Variants in SOX6 observed in about 807,000 individuals in gnomAD.
SOX6 encodes the protein transcription factor SOX-6.
SOX6 carries 11 observed loss-of-function variants against 97.8 expected under a neutral mutation model. That is an observed-to-expected ratio of 0.11 (90% CI 0.07 to 0.19). The LOEUF (loss-of-function observed/expected upper bound fraction) is 0.19, where lower values mean the gene tolerates loss of function less well. Among genes scored for constraint, SOX6 ranks in the 10% least tolerant of loss-of-function variants. The probability of loss-of-function intolerance (pLI) is 1.00; values close to 1 mark genes in which losing one functional copy is unlikely to be tolerated. For missense variants in SOX6, 810 were observed against 1,039.5 expected, an observed-to-expected ratio of 0.78 and a Z score of 3.04; for synonymous variants, 360 against 371.4, an observed-to-expected ratio of 0.97 and a Z score of 0.35.
intron 3 of SOX6, among the ~76,000 whole-genome samples, chr11:16,270,303 T>A (rs140342124): frequency 4.0e-5 from 6 of 151,394 alleles, no homozygotes; most frequent in African/African-American, 1.2e-4. Context: ...ACTTCACATC[T>A]GCTAGAATGA....
intron 4 of SOX6, among the ~76,000 whole-genome samples, chr11:16,543,804 A>G (rs941551733): frequency 1.3e-5 from 2 of 152,248 alleles, no homozygotes; most frequent in Non-Finnish European, 2.9e-5. Flanking sequence ...AAATGTGCAC[A>G]TGCTGTGGAA....
intron 1 of SOX6, chr11:16,434,220 C>T (rs937089492): frequency 6.6e-6 from 1 of 152,100 alleles, no homozygotes; most frequent in African/African-American, 2.4e-5. Context: ...TCATCTTCCT[C>T]ATACCCCTCA....
intron 1 of SOX6, among the ~76,000 whole-genome samples, chr11:16,399,614 C>A (rs1451772118): frequency 6.6e-6 from 1 of 151,386 alleles, no homozygotes; most frequent in Non-Finnish European, 1.5e-5. Context: ...AAGACTAAGG[C>A]AAAATCATCC....
intron 6 of SOX6, among the ~76,000 whole-genome samples, chr11:16,146,842 G>A (rs928481162): frequency 6.6e-6 from 1 of 152,146 alleles, no homozygotes; most frequent in Non-Finnish European, 1.5e-5. Flanking sequence ...TCATTAAAAA[G>A]TCAGGAAACA....
intron 6 of SOX6, among the ~76,000 whole-genome samples, chr11:16,130,063 T>G (rs1849702690): frequency 6.6e-6 from 1 of 152,040 alleles, no homozygotes; most frequent in Non-Finnish European, 1.5e-5. Flanking sequence ...TCTTAAGAAT[T>G]TTTTTAAAGT....
At chr11:16,152,029 C>T (rs1436466548) in intron 6 of SOX6, among the ~76,000 whole-genome samples, 2 of 152,086 alleles carry the variant, frequency 1.3e-5, no homozygotes, top group Admixed American at 1.3e-4. Flanking sequence ...TGTCTAAAGT[C>T]AATTTTTGTC....
At chr11:16,268,757 G>A (rs554603121) in intron 3 of SOX6, among the ~76,000 whole-genome samples, 8 of 150,900 alleles carry the variant, frequency 5.3e-5, no homozygotes, top group Admixed American at 5.3e-4. Context: ...TTTTCTCTTT[G>A]TTTTGAGATT....
At chr11:16,481,705 A>T (rs564994158) in intron 4 of SOX6, among the ~76,000 whole-genome samples, 4 of 152,172 alleles carry the variant, frequency 2.6e-5, no homozygotes, top group Non-Finnish European at 5.9e-5. Flanking sequence ...TGCATGTTCA[A>T]TGATGGTGGT....
intron 4 of SOX6, among the ~76,000 whole-genome samples, chr11:16,550,464 T>TA (rs1847670426): frequency 6.6e-6 from 1 of 151,696 alleles, no homozygotes; most frequent in African/African-American, 2.4e-5. Context: ...TAAAGTATAA[T>TA]AAAAAATAAA....
At chr11:16,696,743 G>A (rs1016846225) in intron 3 of SOX6, among the ~76,000 whole-genome samples, 2 of 152,160 alleles carry the variant, frequency 1.3e-5, no homozygotes, top group African/African-American at 4.8e-5. Flanking sequence ...TGATGTTGAT[G>A]GCTGCTGACT....
intron 4 of SOX6, among the ~76,000 whole-genome samples, chr11:16,536,377 G>C (rs147533465): frequency 6.6e-6 from 1 of 152,076 alleles, no homozygotes; most frequent in Non-Finnish European, 1.5e-5. Flanking sequence ...TGCAGCTCCC[G>C]GCGAGATTGA....
intron 4 of SOX6, among the ~76,000 whole-genome samples, chr11:16,200,744 T>C (rs557664371): frequency 3.7e-4 from 56 of 152,322 alleles, no homozygotes; most frequent in African/African-American, 1.3e-3. Flanking sequence ...ACATCATTTT[T>C]ATATTAGTTT....
chr11:16,514,215 CA>C (rs35019872), intron 4 of SOX6, among the ~76,000 whole-genome samples: 182 of 102,640 alleles, frequency 1.8e-3, no homozygotes, highest in East Asian at 2.5e-3. Context: ...GTCCCTGGCT[CA>C]AAAAAAAAAA....
chr11:16,428,499 T>C (rs937491517), intron 1 of SOX6, among the ~76,000 whole-genome samples: 1 of 152,210 alleles, frequency 6.6e-6, no homozygotes, highest in South Asian at 2.1e-4. Flanking sequence ...AATTAATTTT[T>C]ATATAAGGTG....
rs187074058 is a variant in SOX6 at position 16,609,102 on chromosome 11, G to A, written n.609+2979C>T. Among the ~76,000 whole-genome samples, 4 of 152,280 alleles carry A rather than the reference G, an allele frequency of 2.6e-5. No homozygotes were observed. In the East Asian group the frequency reaches 5.8e-4, roughly 22 times the overall value. On this transcript the variant is annotated intron_variant and non_coding_transcript_variant, in intron 4 of 5. Transcript: ENST00000524520. ...TAGACACCTGAAACTTAATCTCAGT[G>A]CAAAAAAAGCTGGAGGACCAGGACA...
intron 1 of SOX6, among the ~76,000 whole-genome samples, chr11:16,352,094 G>A (rs1365532371): frequency 6.6e-6 from 1 of 151,904 alleles, no homozygotes; most frequent in African/African-American, 2.4e-5. Context: ...CTGGTTTCTG[G>A]GGGTGTCTCC....
chr11:16,206,665 C>T (rs1243087101), intron 4 of SOX6, among the ~76,000 whole-genome samples: 1 of 152,124 alleles, frequency 6.6e-6, no homozygotes, highest in Non-Finnish European at 1.5e-5. Context: ...ACATAGTGAG[C>T]ACTCAATAAA....
rs147754909 is a variant in SOX6 at position 16,443,281 on chromosome 11, A to G, written c.-5+33034T>C. On this transcript the variant is annotated intron_variant, in intron 1 of 15. Coordinates refer to the SOX6 transcript ENST00000396356. The stretch of plus-strand genomic sequence containing the variant: ...TGATTTCTCCTTTACTTGTCTCTAC[A>G]TTAGAGTTTTAAGTTAACTTAAAAC... 9.2e-4 allele frequency among the ~76,000 whole-genome samples: 140 copies of G among 152,342 alleles called. 3 individuals are homozygous for G. The East Asian group carries it at 0.024, about 26-fold the overall frequency.
intron 11 of SOX6, 56 bp from the exon 12 acceptor site, chr11:16,046,757 C>T: frequency 6.5e-7 from 1 of 1,533,334 alleles, no homozygotes; most frequent in East Asian, 2.3e-5. Flanking sequence ...CTAAAAAGTA[C>T]TACTACTATC....
Sources: gnomAD v4.1 joint callset for allele counts (sites outside exome capture counted in the v4.1 genomes callset) on GRCh38, gnomAD v4.1.1 for gene constraint, MANE v1.5 for transcripts, NCBI Gene and HGNC (gene_info 2026-07-23, HGNC 2026-07-21) for gene names.